The following LRRC8C variants were observed in gnomAD, a reference collection of about 807,000 sequenced individuals.
LRRC8C encodes the protein leucine rich repeat containing 8 VRAC subunit C, also known as volume-regulated anion channel subunit LRRC8C.
A neutral mutation model predicts 55.3 loss-of-function variants in LRRC8C; 20 were observed. That is an observed-to-expected ratio of 0.36 (90% CI 0.25 to 0.53). The LOEUF (loss-of-function observed/expected upper bound fraction) is 0.53, where lower values mean the gene tolerates loss of function less well. Among genes scored for constraint, LRRC8C ranks in the 20% least tolerant of loss-of-function variants. LRRC8C has a pLI of 0.92. For synonymous variants in LRRC8C, 376 were observed against 360.7 expected, an observed-to-expected ratio of 1.04 and a Z score of -0.48; for missense variants, 659 against 951.4, an observed-to-expected ratio of 0.69 and a Z score of 4.04.
chr1:89,655,861 T>C (rs1349630099), intron 1 of LRRC8C, among the ~76,000 whole-genome samples: 1 of 152,174 alleles, frequency 6.6e-6, no homozygotes, highest in East Asian at 1.9e-4. Flanking sequence ...GGGAGGAAGG[T>C]ATATGGAGGG....
the LRRC8C span, among the ~76,000 whole-genome samples, chr1:89,618,192 C>T: frequency 2.6e-5 from 4 of 152,200 alleles, no homozygotes; most frequent in Admixed American, 6.5e-5. Flanking sequence ...TAACCAGCCT[C>T]TGTCCTGAAA....
chr1:89,628,065 C>T, the LRRC8C span, among the ~76,000 whole-genome samples: 1 of 152,102 alleles, frequency 6.6e-6, no homozygotes, highest in Non-Finnish European at 1.5e-5. Flanking sequence ...TAATGTGTAC[C>T]TCATAAGTGT....
chr1:89,684,342 A>C (rs1332740010), intron 1 of LRRC8C, among the ~76,000 whole-genome samples: 3 of 152,224 alleles, frequency 2.0e-5, no homozygotes, highest in Non-Finnish European at 4.4e-5. Context: ...AAGGAACAAT[A>C]GACTATAACA....
At chr1:89,680,549 C>CTTTTTTTTT (rs10593283) in intron 1 of LRRC8C, among the ~76,000 whole-genome samples, 9 of 91,866 alleles carry the variant, frequency 9.8e-5, no homozygotes, top group Admixed American at 4.9e-4. Flanking sequence ...TGCTTTCATG[C>CTTTTTTTTT]TTTTTTTTTT....
Position 89,714,604 on chromosome 1 carries a change from C to T in LRRC8C, c.2034C>T (p.His678=). Residue 678 remains histidine, a synonymous_variant, in exon 3 of 3, where the codon CAC becomes CAT. Coordinates refer to ENST00000370454, the MANE Select transcript of LRRC8C (RefSeq NM_032270.5). The surrounding 1 kb of genome is among the most constrained non-coding windows in gnomAD (Gnocchi z 4.6). ...ATAAAATAGAGGTGCTGCCTTCCCA[C>T]CTCTTCCTATGCAACAAGATCCGAT... is the stretch of plus-strand genomic sequence containing the variant. The part of the protein sequence containing the change: ...SHNKIEVLPS[H]LFLCNKIRYL... 6.2e-7 allele frequency: 1 copy of T among 1,614,126 alleles called. No homozygotes were observed. Among genetic ancestry groups the T allele is most frequent in the Non-Finnish European group, 8.5e-7 (1 of 1,179,998 alleles).
In LRRC8C at chr1:89,686,533, G is replaced by GA; in HGVS notation, c.62dup (p.Pro22AlafsTer64). The GA allele has an allele frequency of 6.2e-7, 1 of 1,614,178 alleles. No individual in the cohort carries two copies. On this transcript the variant is annotated frameshift_variant, in exon 2 of 3. Coordinates refer to ENST00000370454, the MANE Select transcript of LRRC8C (RefSeq NM_032270.5). LOFTEE classifies it high-confidence loss of function. Reference sequence around the variant, plus strand: ...AGCAGCAGCCTGCCTTCCGAGTGCTGAAGCCATGGTGGGATGTGTTTACCG... The same window carrying GA: ...AGCAGCAGCCTGCCTTCCGAGTGCTGAAAGCCATGGTGGGATGTGTTTACCG...
At chr1:89,659,059 T>TGTG (rs1166669262) in intron 1 of LRRC8C, among the ~76,000 whole-genome samples, 14 of 59,250 alleles carry the variant, frequency 2.4e-4, no homozygotes, top group African/African-American at 8.0e-4. Flanking sequence ...TTTTTTTTTT[T>TGTG]TTTGTGTGTG....
At chr1:89,624,493 A>G in the LRRC8C span, among the ~76,000 whole-genome samples, 1 of 152,252 alleles carries the variant, frequency 6.6e-6, no homozygotes. Flanking sequence ...TGTAACAGCC[A>G]GGGAACTATT....
chr1:89,670,637 T>C (rs1657389901), intron 1 of LRRC8C, among the ~76,000 whole-genome samples: 1 of 152,322 alleles, frequency 6.6e-6, no homozygotes, highest in African/African-American at 2.4e-5. Flanking sequence ...AAATATTGAA[T>C]ATATAGAAGT....
At chr1:89,647,851 G>A (rs964037338) in intron 1 of LRRC8C, among the ~76,000 whole-genome samples, 3 of 152,128 alleles carry the variant, frequency 2.0e-5, no homozygotes, top group East Asian at 1.9e-4. Context: ...TCACTTGAGC[G>A]CAGGAGTTCA....
intron 1 of LRRC8C, among the ~76,000 whole-genome samples, chr1:89,680,692 C>T (rs1224875354): frequency 6.6e-6 from 1 of 151,510 alleles, no homozygotes; most frequent in African/African-American, 2.4e-5. Flanking sequence ...ACATGAGTAG[C>T]TGTGATTATA....
In LRRC8C at chr1:89,714,918, T is replaced by C; in HGVS notation, c.2348T>C (p.Val783Ala). ...DCRALKRAGL[V>A]VEDALFETLP... Reference sequence around the variant, plus strand: ...CGGGCTCTGAAGCGAGCTGGTTTAGTTGTAGAAGATGCTCTGTTTGAAACT... The same window carrying C: ...CGGGCTCTGAAGCGAGCTGGTTTAGCTGTAGAAGATGCTCTGTTTGAAACT... Residue 783 changes from valine to alanine, a missense_variant, in exon 3 of 3, where the codon GTT (valine) becomes GCT (alanine). Around this residue, in one of 5 missense-constraint regions of LRRC8C, gnomAD observed 344 missense variants for 464.6 expected, o/e 0.74. Coordinates refer to ENST00000370454, the MANE Select transcript of LRRC8C (RefSeq NM_032270.5). The surrounding 1 kb of genome is among the most constrained non-coding windows in gnomAD (Gnocchi z 4.6). 1 of 1,611,930 alleles carries C rather than the reference T, an allele frequency of 6.2e-7. No homozygotes were observed. Among genetic ancestry groups the C allele is most frequent in the Non-Finnish European group, 8.5e-7 (1 of 1,179,462 alleles).
chr1:89,655,099 C>G (rs566730822), intron 1 of LRRC8C, among the ~76,000 whole-genome samples: 1 of 152,180 alleles, frequency 6.6e-6, no homozygotes, highest in South Asian at 2.1e-4. Context: ...GTCATTTTCT[C>G]CTTTCACTCT....
At position 89,663,366 on chromosome 1, in the gene LRRC8C, C is replaced by A. The variant is rs1382348801; in HGVS notation, c.-4-23104C>A. ...CGGGCGGATCATGAGGTCAGGAGAT[C>A]GAGACCATCCTGGCTAACACAGTGA... On this transcript the variant is annotated intron_variant, in intron 1 of 2. Transcript: ENST00000370454. 2.0e-5 allele frequency among the ~76,000 whole-genome samples: 3 copies of A among 151,814 alleles called. No individual in the cohort carries two copies. The East Asian group carries it at 5.8e-4, about 29-fold the overall frequency.
chr1:89,647,330 C>T (rs1656644237), intron 1 of LRRC8C, among the ~76,000 whole-genome samples: 1 of 152,128 alleles, frequency 6.6e-6, no homozygotes, highest in Non-Finnish European at 1.5e-5. Context: ...TAAAGGAAGG[C>T]AGCATTTTAA....
rs1410769776 is a variant in LRRC8C at position 89,633,312 on chromosome 1, C to G, written c.-15C>G. ...TAGCACCTTCTCCAGTCGACACTCT[C>G]GCGCCCGGAGGTAAGGGCGGGGGAT... On this transcript the variant is annotated 5_prime_UTR_variant, in exon 1 of 3. Transcript: ENST00000370454. 6.6e-6 allele frequency: 1 copy of G among 152,308 alleles called. No individual in the cohort carries two copies. The highest frequency in any genetic ancestry group is 1.5e-5 in the Non-Finnish European group (1 of 68,130). 9.4% of individuals were successfully genotyped at this position (152,308 alleles called of 1,614,324 possible).
chr1:89,688,323 C>T (rs1347536162), intron 2 of LRRC8C, among the ~76,000 whole-genome samples: 3 of 151,756 alleles, frequency 2.0e-5, no homozygotes, highest in South Asian at 2.1e-4. Context: ...GAATTATCAA[C>T]GAAGGAGAAA....
At chr1:89,699,498 G>A (rs1173274278) in intron 2 of LRRC8C, among the ~76,000 whole-genome samples, 1 of 152,162 alleles carries the variant, frequency 6.6e-6, no homozygotes, top group Non-Finnish European at 1.5e-5. Flanking sequence ...GGAAATCTCT[G>A]TACCTTCCTT....
At chr1:89,692,328 A>T (rs1345118656) in intron 2 of LRRC8C, among the ~76,000 whole-genome samples, 1 of 152,248 alleles carries the variant, frequency 6.6e-6, no homozygotes, top group Non-Finnish European at 1.5e-5. Flanking sequence ...AGTTAGAAGA[A>T]CACTCTTTGA....
Sources: allele counts gnomAD v4.1 joint callset (sites outside exome capture counted in the v4.1 genomes callset), GRCh38; gene constraint gnomAD v4.1.1; regional missense constraint gnomAD v4.1.1; non-coding constraint Gnocchi (gnomAD v3.1); transcripts MANE v1.5; gene names NCBI Gene and HGNC (gene_info 2026-07-23, HGNC 2026-07-21).